The following DENND1A variants were observed in gnomAD, a reference collection of about 807,000 sequenced individuals.
DENND1A encodes the protein DENN domain containing 1A, also known as DENN domain-containing protein 1A.
Under a neutral mutation model 113.7 loss-of-function variants are expected in DENND1A, and 51 were observed. The ratio of observed to expected loss-of-function variants is 0.45; its 90% CI spans 0.36 to 0.57. The LOEUF (loss-of-function observed/expected upper bound fraction) is 0.57, where lower values mean the gene tolerates loss of function less well. Among genes scored for constraint, DENND1A ranks in the 20% least tolerant of loss-of-function variants. The probability of loss-of-function intolerance (pLI) is 0.00; values close to 1 mark genes in which losing one functional copy is unlikely to be tolerated. For missense variants in DENND1A, 1,258 were observed against 1,395.9 expected, an observed-to-expected ratio of 0.90 and a Z score of 1.57; for synonymous variants, 565 against 570.8, an observed-to-expected ratio of 0.99 and a Z score of 0.14.
intron 2 of DENND1A, among the ~76,000 whole-genome samples, chr9:123,850,048 A>G (rs1346642633): frequency 1.3e-5 from 2 of 152,246 alleles, no homozygotes; most frequent in Non-Finnish European, 1.5e-5. Flanking sequence ...AAACATTGTA[A>G]ACATTGTTGA....
intron 13 of DENND1A, among the ~76,000 whole-genome samples, chr9:123,467,121 T>C (rs1175520158): frequency 6.6e-6 from 1 of 152,182 alleles, no homozygotes; most frequent in East Asian, 1.9e-4. Context: ...CTTCTTTCTG[T>C]ATTTGAAGCA....
intron 9 of DENND1A, among the ~76,000 whole-genome samples, chr9:123,631,300 C>T (rs1032725417): frequency 6.6e-6 from 1 of 152,000 alleles, no homozygotes; most frequent in African/African-American, 2.4e-5. Context: ...TTATTCTGAT[C>T]AGGACTAAGG....
At chr9:123,876,443 G>A (rs915667030) in intron 2 of DENND1A, among the ~76,000 whole-genome samples, 45 of 152,164 alleles carry the variant, frequency 3.0e-4, no homozygotes, top group African/African-American at 1.0e-3. Context: ...ATAAGAATAT[G>A]TCTTTATTCT....
At chr9:123,762,179 C>T (rs754677573) in intron 4 of DENND1A, among the ~76,000 whole-genome samples, 2 of 152,196 alleles carry the variant, frequency 1.3e-5, no homozygotes, top group African/African-American at 4.8e-5. Flanking sequence ...CTAAGGTATG[C>T]GAGGAATTCA....
At position 123,793,898 on chromosome 9, in the gene DENND1A, T is replaced by C. The variant is rs537079958; in HGVS notation, c.89-1268A>G. Reference sequence around the variant, plus strand: ...GAGTGGTGCAAAAAAGTTGAAACTATCTGCAAGTGATTTCAACTCTTGACG... The same window carrying C: ...GAGTGGTGCAAAAAAGTTGAAACTACCTGCAAGTGATTTCAACTCTTGACG... On this transcript the variant is annotated intron_variant, in intron 2 of 23. Coordinates refer to ENST00000394215, the MANE Select transcript of DENND1A (RefSeq NM_001352964.2). Among the ~76,000 whole-genome samples the C allele has an allele frequency of 3.9e-5, 6 of 152,334 alleles. No homozygotes were observed. In the South Asian group the frequency reaches 1.0e-3, roughly 26 times the overall value.
chr9:123,820,402 A>C (rs1838263317), intron 2 of DENND1A, among the ~76,000 whole-genome samples: 1 of 152,214 alleles, frequency 6.6e-6, no homozygotes. Flanking sequence ...TGTGTGTCTC[A>C]GGCTGGACTT....
At chr9:123,599,779 G>A (rs896624884) in intron 11 of DENND1A, among the ~76,000 whole-genome samples, 3 of 152,150 alleles carry the variant, frequency 2.0e-5, no homozygotes, top group East Asian at 1.9e-4. Context: ...GCCGGATTTC[G>A]GCTTGCTTAC....
chr9:123,477,754 A>T (rs1415909286), intron 13 of DENND1A, among the ~76,000 whole-genome samples: 1 of 132,376 alleles, frequency 7.6e-6, no homozygotes, highest in East Asian at 2.0e-4. Flanking sequence ...AAAAATAATT[A>T]AAAAAAAAAA....
chr9:123,767,717 T>C (rs1167929668), intron 4 of DENND1A, among the ~76,000 whole-genome samples: 1 of 152,194 alleles, frequency 6.6e-6, no homozygotes, highest in Non-Finnish European at 1.5e-5. Context: ...GTTTAATCTC[T>C]ATGCATTTCT....
chr9:123,408,253 C>G (rs148771559), intron 20 of DENND1A, among the ~76,000 whole-genome samples: 1 of 152,124 alleles, frequency 6.6e-6, no homozygotes, highest in Non-Finnish European at 1.5e-5. Flanking sequence ...TTCCATATGC[C>G]GAGTCTCCCC....
intron 2 of DENND1A, among the ~76,000 whole-genome samples, chr9:123,800,272 G>A (rs1834422851): frequency 6.6e-6 from 1 of 152,188 alleles, no homozygotes; most frequent in South Asian, 2.1e-4. Context: ...TGCTTTCTAA[G>A]TTTGCATACT....
intron 5 of DENND1A, among the ~76,000 whole-genome samples, chr9:123,687,214 A>C (rs1179168080): frequency 3.9e-5 from 6 of 152,140 alleles, no homozygotes; most frequent in Admixed American, 3.9e-4. Flanking sequence ...GTTTTAGCCC[A>C]AAATAAAATG....
At chr9:123,403,547 G>T in intron 20 of DENND1A, 57 bp from the exon 21 acceptor site, 7 of 1,503,704 alleles carry the variant, frequency 4.7e-6, no homozygotes, top group East Asian at 2.3e-5. Flanking sequence ...AAGCCATACA[G>T]GTACATTCTG....
Position 123,381,152 on chromosome 9 carries a change from CTT to C in DENND1A, c.*278_*279del, listed in dbSNP as rs2042248026. On this transcript the variant is annotated 3_prime_UTR_variant, in exon 24 of 24. Transcript: ENST00000394215. The surrounding 1 kb of genome is among the most constrained non-coding windows in gnomAD (Gnocchi z 4.7). Reference sequence around the variant, plus strand: ...GCAATATCATTGGCCCAGCTGACCTCTTTAGTGCAAAACCCAATCAAGGGTGC... The same window carrying C: ...GCAATATCATTGGCCCAGCTGACCTCTAGTGCAAAACCCAATCAAGGGTGC... The C allele has an allele frequency of 2.1e-6, 1 of 484,434 alleles. No individual in the cohort carries two copies. The highest frequency in any genetic ancestry group is 3.5e-5 in the Admixed American group (1 of 28,338). 30.0% of individuals were successfully genotyped at this position (484,434 alleles called of 1,614,324 possible).
At chr9:123,657,495 T>A (rs928679302) in intron 8 of DENND1A, among the ~76,000 whole-genome samples, 1 of 152,180 alleles carries the variant, frequency 6.6e-6, no homozygotes, top group African/African-American at 2.4e-5. Context: ...GGAAATGAGA[T>A]AATCCTCAAA....
chr9:123,408,906 T>G (rs1161995514), intron 20 of DENND1A, among the ~76,000 whole-genome samples: 1 of 152,220 alleles, frequency 6.6e-6, no homozygotes, highest in African/African-American at 2.4e-5. Flanking sequence ...GCTTCCAAGA[T>G]TCCCTGCCCG....
intron 5 of DENND1A, among the ~76,000 whole-genome samples, chr9:123,739,062 AT>A (rs1350409520): frequency 3.9e-5 from 6 of 152,038 alleles, no homozygotes; most frequent in Non-Finnish European, 7.4e-5. Context: ...GGGATCTAGA[AT>A]TTTTTTTCAA....
chr9:123,710,952 C>T (rs2066544158), intron 5 of DENND1A, among the ~76,000 whole-genome samples: 1 of 151,998 alleles, frequency 6.6e-6, no homozygotes, highest in Non-Finnish European at 1.5e-5. Flanking sequence ...GGATTACAGG[C>T]GTGAGCCACC....
At chr9:123,727,673 A>C (rs1384011801) in intron 5 of DENND1A, among the ~76,000 whole-genome samples, 1 of 152,214 alleles carries the variant, frequency 6.6e-6, no homozygotes, top group Non-Finnish European at 1.5e-5. Flanking sequence ...TTAGTATTTA[A>C]TTATTAGCTG....
Sources: gnomAD v4.1 joint callset for allele counts (sites outside exome capture counted in the v4.1 genomes callset) on GRCh38, gnomAD v4.1.1 for gene constraint, Gnocchi (gnomAD v3.1) non-coding constraint, MANE v1.5 for transcripts, NCBI Gene and HGNC (gene_info 2026-07-23, HGNC 2026-07-21) for gene names.